The following LRCH3 variants were observed in gnomAD, a reference collection of about 807,000 sequenced individuals.
LRCH3 encodes the protein leucine rich repeats and calponin homology domain containing 3.
LRCH3 carries 68 observed loss-of-function variants against 104.5 expected under a neutral mutation model. The ratio of observed to expected loss-of-function variants is 0.65; its 90% CI spans 0.54 to 0.80. The LOEUF (loss-of-function observed/expected upper bound fraction) is 0.80, where lower values mean the gene tolerates loss of function less well. Ranked by LOEUF, LRCH3 falls within the 30% of genes least tolerant of loss-of-function variation. The pLI, the probability that LRCH3 is intolerant of heterozygous loss-of-function variation, is 0.00. For missense variants in LRCH3, 951 were observed against 953.9 expected (o/e 1.00, Z 0.04); for synonymous variants, 344 against 361.3 (o/e 0.95, Z 0.54).
chr3:197,792,127 G>C (rs1402236258), intron 1 of LRCH3, among the ~76,000 whole-genome samples: 1 of 151,520 alleles, frequency 6.6e-6, no homozygotes, highest in Admixed American at 6.6e-5. Context: ...GAAGTGCTGG[G>C]GTGTGTGTGA....
At chr3:197,865,929 A>G (rs1286150849) in intron 16 of LRCH3, among the ~76,000 whole-genome samples, 183 bp from the exon 17 acceptor site, 1 of 152,244 alleles carries the variant, frequency 6.6e-6, no homozygotes, top group Non-Finnish European at 1.5e-5. Flanking sequence ...ATGACAATGT[A>G]AAATACATAC....
chr3:197,842,405 C>CT (rs1324274229), intron 10 of LRCH3, among the ~76,000 whole-genome samples: 3 of 152,164 alleles, frequency 2.0e-5, no homozygotes, highest in Non-Finnish European at 4.4e-5. Context: ...CTCAGAATGA[C>CT]TGACAGCTCT....
intron 19 of LRCH3, among the ~76,000 whole-genome samples, chr3:197,874,776 G>A (rs1712672994): frequency 6.6e-6 from 1 of 152,194 alleles, no homozygotes; most frequent in Non-Finnish European, 1.5e-5. Flanking sequence ...CAAAGCCAAT[G>A]TCTCAAGTGT....
At position 197,883,835 on chromosome 3, in the gene LRCH3, TATTTCC is replaced by T; in HGVS notation, c.*179_*184del. 3.1e-6 allele frequency: 2 copies of T among 637,236 alleles called. No homozygotes were observed. The highest frequency in any genetic ancestry group is 8.3e-5 in the Admixed American group (2 of 24,242). The allele number at this position is 637,236 out of a possible 1,614,324, so 39.5% of individuals were successfully genotyped here. On this transcript the variant is annotated 3_prime_UTR_variant, in exon 21 of 21. Coordinates refer to ENST00000425562, the MANE Select transcript of LRCH3 (RefSeq NM_001365715.1). The surrounding 1 kb of genome is among the most constrained non-coding windows in gnomAD (Gnocchi z 4.2). ...TTCATTTCTCCATTTTAGGGGAGGT[TATTTCC>T]ATTTCCATTGAATTTTTTTACGAAG... is the stretch of plus-strand genomic sequence containing the variant.
At chr3:197,858,536 T>C (rs1740534767) in intron 14 of LRCH3, among the ~76,000 whole-genome samples, 1 of 152,142 alleles carries the variant, frequency 6.6e-6, no homozygotes, top group African/African-American at 2.4e-5. Flanking sequence ...ATGCTAACAA[T>C]GTTGATGTTC....
intron 1 of LRCH3, among the ~76,000 whole-genome samples, chr3:197,801,350 G>C (rs1382839498): frequency 6.6e-6 from 1 of 152,152 alleles, no homozygotes; most frequent in African/African-American, 2.4e-5. Context: ...TTTGGGTTGG[G>C]AGTCAGGGAT....
At chr3:197,825,368 T>C (rs1351490281) in intron 4 of LRCH3, among the ~76,000 whole-genome samples, 1 of 150,864 alleles carries the variant, frequency 6.6e-6, no homozygotes, top group Non-Finnish European at 1.5e-5. Context: ...ATCTTTTTTT[T>C]TTTTTTTAAA....
chr3:197,842,796 T>A (rs1303981032), intron 10 of LRCH3, among the ~76,000 whole-genome samples: 3 of 152,140 alleles, frequency 2.0e-5, no homozygotes, highest in African/African-American at 7.2e-5. Context: ...TAAAATAATT[T>A]TTTATGGGCT....
chr3:197,855,966 G>A (rs1740196051), intron 14 of LRCH3, among the ~76,000 whole-genome samples: 1 of 152,180 alleles, frequency 6.6e-6, no homozygotes, highest in South Asian at 2.1e-4. Context: ...TTAGAGTGAA[G>A]TCCGAACGTG....
intron 9 of LRCH3, among the ~76,000 whole-genome samples, chr3:197,837,447 C>G (rs1327516789): frequency 1.3e-5 from 2 of 152,036 alleles, no homozygotes; most frequent in Non-Finnish European, 2.9e-5. Flanking sequence ...TGTCATAAAG[C>G]TTTCGTAAAA....
chr3:197,835,464 G>T (rs1324955088), intron 8 of LRCH3, among the ~76,000 whole-genome samples: 1 of 140,570 alleles, frequency 7.1e-6, no homozygotes, highest in African/African-American at 2.7e-5. Context: ...TGGGATTACA[G>T]GCGTGAGCCA....
chr3:197,807,801 T>A lies in LRCH3; in HGVS notation c.263-7107T>A, dbSNP rs115612393. 2.1e-3 allele frequency among the ~76,000 whole-genome samples: 326 copies of A among 152,298 alleles called. 2 individuals carry two copies. The highest frequency in any genetic ancestry group is 7.1e-3 in the African/African-American group (297 of 41,550). On this transcript the variant is annotated intron_variant, in intron 1 of 20. Transcript: ENST00000425562. ...TGCCCTAGGTATTACATGAGAGAAG[T>A]CCAACTTGTCAGTCTATTGGTATCC...
chr3:197,814,064 T>C (rs1301914459), intron 1 of LRCH3, among the ~76,000 whole-genome samples: 2 of 152,164 alleles, frequency 1.3e-5, no homozygotes, highest in Non-Finnish European at 2.9e-5. Flanking sequence ...TTTCCTCAAA[T>C]GTTTGATTTT....
intron 1 of LRCH3, among the ~76,000 whole-genome samples, chr3:197,795,458 A>G (rs1483413993): frequency 2.6e-5 from 4 of 152,034 alleles, no homozygotes; most frequent in Non-Finnish European, 5.9e-5. Flanking sequence ...TTTTTGTTGA[A>G]CTATTGAGAA....
chr3:197,791,683 G>T, intron 1 of LRCH3, 143 bp downstream of exon 1: 1 of 972,796 alleles, frequency 1.0e-6, no homozygotes, highest in East Asian at 3.1e-5. Context: ...AGAAGCCGAC[G>T]GCGCCAGCCC....
rs368099020 is a variant in LRCH3 at position 197,879,527 on chromosome 3, T to G, written c.2208+3752T>G. ...CGGGCGTGGTGGCGGGCGCCTGTAG[T>G]CCCAGCTGCTCGGGAGGCTGAGGCG... On this transcript the variant is annotated intron_variant, in intron 20 of 20. Transcript: ENST00000425562. 1.3e-4 allele frequency among the ~76,000 whole-genome samples: 19 copies of G among 151,576 alleles called. No homozygotes were observed. The East Asian group carries it at 3.5e-3, about 28-fold the overall frequency.
intron 1 of LRCH3, among the ~76,000 whole-genome samples, chr3:197,792,602 T>TATATATATATATATATATATAA (rs1231667136): frequency 1.2e-5 from 1 of 85,358 alleles, no homozygotes; most frequent in African/African-American, 3.9e-5. Context: ...TATATATATA[T>TATATATATATATATATATATAA]ATAAAATATA....
chr3:197,826,893 C>G lies in LRCH3; in HGVS notation c.656C>G (p.Pro219Arg). Residue 219 changes from proline (P) to arginine (R), a missense_variant, in exon 5 of 21, where the codon CCT becomes CGT. By Grantham distance (103) the Pro-to-Arg change is moderately radical. Transcript: ENST00000425562. Reference protein sequence around the residue: ...VHLPEELAELPLIRLDFSCNK... With the variant: ...VHLPEELAELRLIRLDFSCNK... The stretch of plus-strand genomic sequence containing the variant: ...CTTCTTGCAGAGCTGGCGGAGTTGC[C>G]TTTGATACGGTTAGACTTCTCATGC... 6.2e-7 allele frequency: 1 copy of G among 1,614,040 alleles called. No homozygotes were observed. Among genetic ancestry groups the G allele is most frequent in the South Asian group, 1.1e-5 (1 of 91,076 alleles).
In LRCH3 at chr3:197,847,963, A is replaced by C. The variant is rs1392550785; in HGVS notation, c.1472A>C (p.Glu491Ala). 5 of 1,614,146 alleles carry C rather than the reference A, an allele frequency of 3.1e-6. No individual in the cohort carries two copies. Residue 491 changes from glutamate (E) to alanine (A), a missense_variant, in exon 12 of 21, where the codon GAG (glutamate) becomes GCG (alanine). Coordinates refer to ENST00000425562, the MANE Select transcript of LRCH3 (RefSeq NM_001365715.1). ...REAQLAALQY[E>A]EEKIRTKQIQ... ...GCTCAGCTTGCTGCCCTGCAGTATG[A>C]GGAGGAGAAAATAAGGACCAAGCAG...
Sources: gnomAD v4.1 joint callset for allele counts (sites outside exome capture counted in the v4.1 genomes callset) on GRCh38, gnomAD v4.1.1 for gene constraint, Gnocchi (gnomAD v3.1) non-coding constraint, MANE v1.5 for transcripts, NCBI Gene and HGNC (gene_info 2026-07-23, HGNC 2026-07-21) for gene names.